The following RASSF3 variants were observed in gnomAD, a reference collection of about 807,000 sequenced individuals.
RASSF3 encodes ras association domain-containing protein 3.
A neutral mutation model predicts 19.9 loss-of-function variants in RASSF3; 19 were observed. The observed-to-expected ratio is 0.96, with a 90% CI of 0.67 to 1.40. RASSF3 has a LOEUF of 1.40. RASSF3 is among the 40% of genes most tolerant of loss of function. The pLI is 0.00. For missense variants in RASSF3, 306 were observed against 289.8 expected, an observed-to-expected ratio of 1.06 and a Z score of -0.41; for synonymous variants, 110 against 104.2, an observed-to-expected ratio of 1.06 and a Z score of -0.34.
At chr12:64,573,978 A>G (rs1227383682) in intron 2 of RASSF3, among the ~76,000 whole-genome samples, 15 of 152,106 alleles carry the variant, frequency 9.9e-5, no homozygotes, top group Admixed American at 9.2e-4. Context: ...AATAGTACAA[A>G]GGAGAAAAAT....
chr12:64,521,055 G>T lies in RASSF3; in HGVS notation c.169+13726G>T, dbSNP rs116535305. Among the ~76,000 whole-genome samples, 36 of 152,270 alleles carry T rather than the reference G, an allele frequency of 2.4e-4. 1 individual carries two copies. In the South Asian group the frequency reaches 7.3e-3, roughly 31 times the overall value. ...TCATCTGTAGAAGGATGTGGAGACTGGGGTACCTCAACTAGTGCACAAGCT... is the reference window on the plus strand; with the variant it reads ...TCATCTGTAGAAGGATGTGGAGACTTGGGTACCTCAACTAGTGCACAAGCT... On this transcript the variant is annotated intron_variant, in intron 1 of 5. Transcript: ENST00000637125.
At position 64,694,928 on chromosome 12, in the gene RASSF3, C is replaced by T; in HGVS notation, c.*16C>T. 1 of 1,612,828 alleles carries T rather than the reference C, an allele frequency of 6.2e-7. No individual in the cohort carries two copies. Among genetic ancestry groups the T allele is most frequent in the Non-Finnish European group, 8.5e-7 (1 of 1,179,664 alleles). On this transcript the variant is annotated 3_prime_UTR_variant, in exon 5 of 5. Coordinates refer to ENST00000542104, the MANE Select transcript of RASSF3 (RefSeq NM_178169.4). ...GCCTGATTAAAGCGGGGCTCCCTGC[C>T]CGTGAGGCCCGGTGCAGGACCGATG...
At chr12:64,684,009 A>AGTGTGTGT (rs1555216478) in intron 1 of RASSF3, among the ~76,000 whole-genome samples, 10 of 74,000 alleles carry the variant, frequency 1.4e-4, no homozygotes, top group East Asian at 4.1e-4. Flanking sequence ...AGAGAGAGAG[A>AGTGTGTGT]GTGAGTGTGT....
At chr12:64,673,653 T>G (rs1470430600) in intron 1 of RASSF3, among the ~76,000 whole-genome samples, 1 of 152,186 alleles carries the variant, frequency 6.6e-6, no homozygotes. Flanking sequence ...CAAAGCTGAT[T>G]AGTGGATTTG....
intron 2 of RASSF3, among the ~76,000 whole-genome samples, chr12:64,584,933 T>G (rs1869769793): frequency 1.6e-5 from 2 of 128,172 alleles, no homozygotes; most frequent in African/African-American, 5.8e-5. Flanking sequence ...GTCACCAAGC[T>G]GGAGTGCCGT....
At chr12:64,565,586 G>A (rs778442075) in intron 2 of RASSF3, among the ~76,000 whole-genome samples, 3 of 152,110 alleles carry the variant, frequency 2.0e-5, no homozygotes, top group South Asian at 2.1e-4. Context: ...AGTGGCGTGC[G>A]CCTGTAATCC....
chr12:64,686,590 G>A (rs554462340), intron 2 of RASSF3, among the ~76,000 whole-genome samples: 6 of 151,930 alleles, frequency 3.9e-5, no homozygotes, highest in Non-Finnish European at 8.8e-5. Context: ...CAGCCTAGGC[G>A]ACAGAGCAAG....
At chr12:64,651,764 G>T (rs1323714172) in intron 1 of RASSF3, among the ~76,000 whole-genome samples, 1 of 152,108 alleles carries the variant, frequency 6.6e-6, no homozygotes, top group East Asian at 1.9e-4. Context: ...CCAGGCTCAG[G>T]TGATCCTTCA....
At chr12:64,507,526 A>G (rs1017721661) in intron 1 of RASSF3, 18 of 370,856 alleles carry the variant, frequency 4.9e-5, no homozygotes, top group Non-Finnish European at 6.2e-5. Flanking sequence ...AGGCTGATGT[A>G]TTAGAAGCCA....
intron 1 of RASSF3, among the ~76,000 whole-genome samples, chr12:64,535,592 C>G (rs1868807141): frequency 6.6e-6 from 1 of 152,096 alleles, no homozygotes; most frequent in African/African-American, 2.4e-5. Flanking sequence ...TCTCGAACTC[C>G]TGGGCTCAAG....
chr12:64,574,243 G>C (rs1363000091), intron 2 of RASSF3, among the ~76,000 whole-genome samples: 1 of 151,486 alleles, frequency 6.6e-6, no homozygotes, highest in Admixed American at 6.6e-5. Flanking sequence ...CCTGGGAGAC[G>C]GAGGTTGCAG....
At chr12:64,685,976 G>A (rs1017000399) in intron 2 of RASSF3, among the ~76,000 whole-genome samples, 1 of 152,114 alleles carries the variant, frequency 6.6e-6, no homozygotes, top group Non-Finnish European at 1.5e-5. Context: ...CAAGGTGATT[G>A]GTTTAAAACA....
intron 2 of RASSF3, among the ~76,000 whole-genome samples, chr12:64,567,594 T>C (rs1250087848): frequency 6.6e-6 from 1 of 152,226 alleles, no homozygotes; most frequent in African/African-American, 2.4e-5. Flanking sequence ...GGAAGGAGCC[T>C]GGCCCTGAGT....
intron 1 of RASSF3, among the ~76,000 whole-genome samples, chr12:64,522,689 A>G (rs965196071): frequency 1.3e-5 from 2 of 151,804 alleles, no homozygotes; most frequent in Admixed American, 6.6e-5. Flanking sequence ...TCAACGCAAG[A>G]AATAAAAAAA....
chr12:64,566,909 G>A (rs1007073776), intron 2 of RASSF3, among the ~76,000 whole-genome samples: 2 of 152,252 alleles, frequency 1.3e-5, no homozygotes, highest in African/African-American at 4.8e-5. Context: ...AGGGCAAAAA[G>A]CAATTGCTGA....
In RASSF3 at chr12:64,566,808, T is replaced by C. The variant is rs1869438394; in HGVS notation, c.294+25103T>C. On this transcript the variant is annotated intron_variant, in intron 2 of 5. Transcript: ENST00000637125. ...CATTCTACACAAATGGAAGTTATTA[T>C]GCATGCCTGTCCCTGTCTCCCCTGA... Among the ~76,000 whole-genome samples, 4 of 152,348 alleles carry C rather than the reference T, an allele frequency of 2.6e-5. No homozygotes were observed. In the South Asian group the frequency reaches 8.3e-4, roughly 32 times the overall value.
At chr12:64,629,869 C>A (rs1325201470) in intron 1 of RASSF3, 1 of 146,108 alleles carries the variant, frequency 6.8e-6, no homozygotes, top group Non-Finnish European at 1.5e-5. Context: ...GAGGCTGAGG[C>A]AGGAGAATCA....
chr12:64,562,271 C>T (rs187964928), intron 2 of RASSF3, among the ~76,000 whole-genome samples: 2 of 152,190 alleles, frequency 1.3e-5, no homozygotes, highest in Admixed American at 1.3e-4. Flanking sequence ...AAGCTCCTGA[C>T]CTCAAGTTAT....
chr12:64,647,012 G>A (rs1470034200), intron 1 of RASSF3, among the ~76,000 whole-genome samples: 1 of 152,100 alleles, frequency 6.6e-6, no homozygotes, highest in African/African-American at 2.4e-5. Flanking sequence ...AGTTTATCTA[G>A]CTAGTAAGTG....
Sources: allele counts gnomAD v4.1 joint callset (sites outside exome capture counted in the v4.1 genomes callset), GRCh38; gene constraint gnomAD v4.1.1; transcripts MANE v1.5; gene names NCBI Gene and HGNC (gene_info 2026-07-23, HGNC 2026-07-21).